Variants in ACVR1C observed in about 807,000 individuals in gnomAD.
ACVR1C encodes the protein activin receptor type-1C.
Under a neutral mutation model 57.9 loss-of-function variants are expected in ACVR1C, and 23 were observed. The observed-to-expected ratio is 0.40, with a 90% CI of 0.29 to 0.56. The LOEUF is 0.56. Among genes scored for constraint, ACVR1C ranks in the 20% least tolerant of loss-of-function variants. The pLI is 0.50. For missense variants in ACVR1C, 480 were observed against 607.9 expected (o/e 0.79, Z 2.21); for synonymous variants, 214 against 215.3 (o/e 0.99, Z 0.05).
At chr2:157,554,282 A>AGG (rs373870443) in intron 3 of ACVR1C, among the ~76,000 whole-genome samples, 71 of 123,842 alleles carry the variant, frequency 5.7e-4, no homozygotes, top group African/African-American at 9.0e-4. Flanking sequence ...GAAGGAAGGA[A>AGG]GAGAGAGAGA....
chr2:157,541,015 A>G, intron 7 of ACVR1C, 75 bp downstream of exon 7: 1 of 1,509,446 alleles, frequency 6.6e-7, no homozygotes, highest in African/African-American at 1.4e-5. Context: ...GCTTAGGGGA[A>G]AAAGATAGAA....
chr2:157,576,659 T>A (rs1688660892), intron 2 of ACVR1C, among the ~76,000 whole-genome samples: 1 of 152,178 alleles, frequency 6.6e-6, no homozygotes, highest in Non-Finnish European at 1.5e-5. Context: ...TGTTCATGAA[T>A]GAGAATGGCT....
At chr2:157,577,658 G>T (rs1034199730) in intron 2 of ACVR1C, among the ~76,000 whole-genome samples, 1 of 151,838 alleles carries the variant, frequency 6.6e-6, no homozygotes, top group Non-Finnish European at 1.5e-5. Context: ...CTTTATTTTA[G>T]ATACATATTT....
At chr2:157,574,686 C>T (rs916166397) in intron 2 of ACVR1C, among the ~76,000 whole-genome samples, 7 of 152,198 alleles carry the variant, frequency 4.6e-5, no homozygotes, top group African/African-American at 1.4e-4. Context: ...GCTGCTTTTA[C>T]GTTAATTAGA....
At chr2:157,593,231 TA>T (rs1202027864) in intron 1 of ACVR1C, among the ~76,000 whole-genome samples, 3 of 152,164 alleles carry the variant, frequency 2.0e-5, no homozygotes, top group African/African-American at 7.2e-5. Flanking sequence ...ACCATCTGAC[TA>T]CAAAAAAGAA....
intron 1 of ACVR1C, chr2:157,597,667 T>C: frequency 4.9e-6 from 3 of 614,904 alleles, no homozygotes; most frequent in Non-Finnish European, 6.1e-6. Flanking sequence ...CACTCCGGAT[T>C]AGCATTTCTC....
At chr2:157,584,345 C>T (rs2105253789) in intron 2 of ACVR1C, among the ~76,000 whole-genome samples, 1 of 152,196 alleles carries the variant, frequency 6.6e-6, no homozygotes, top group South Asian at 2.1e-4. Context: ...ACCTTGTGAT[C>T]CGCCCATCTT....
intron 1 of ACVR1C, among the ~76,000 whole-genome samples, chr2:157,601,804 G>A (rs1481933623): frequency 6.6e-6 from 1 of 152,128 alleles, no homozygotes; most frequent in East Asian, 1.9e-4. Context: ...ATCTGTCCAT[G>A]CACTGATGAA....
intron 3 of ACVR1C, among the ~76,000 whole-genome samples, chr2:157,554,244 A>AAAGG (rs1468605108): frequency 1.4e-4 from 19 of 136,242 alleles, no homozygotes; most frequent in Admixed American, 4.9e-4. Context: ...AGAAAGAAAG[A>AAAGG]AAGAAAGAAA....
chr2:157,614,754 A>T (rs1221838388), intron 1 of ACVR1C, among the ~76,000 whole-genome samples: 1 of 152,158 alleles, frequency 6.6e-6, no homozygotes, highest in Non-Finnish European at 1.5e-5. Flanking sequence ...TATCCCTTGC[A>T]GCATCTTATC....
At chr2:157,565,399 T>G (rs1326908305) in intron 2 of ACVR1C, among the ~76,000 whole-genome samples, 1 of 152,130 alleles carries the variant, frequency 6.6e-6, no homozygotes, top group Non-Finnish European at 1.5e-5. Context: ...CACTTCTTCG[T>G]AGTGACCATT....
At chr2:157,586,043 C>T (rs1194007702) in intron 2 of ACVR1C, among the ~76,000 whole-genome samples, 1 of 151,904 alleles carries the variant, frequency 6.6e-6, no homozygotes, top group African/African-American at 2.4e-5. Flanking sequence ...ATTATGATTC[C>T]TTCTCTTATT....
intron 7 of ACVR1C, among the ~76,000 whole-genome samples, chr2:157,538,941 TAA>T (rs1008345655): frequency 1.2e-4 from 18 of 149,296 alleles, no homozygotes; most frequent in Middle Eastern, 7.1e-3. Flanking sequence ...AAAATTTATA[TAA>T]GATTATATAA....
intron 2 of ACVR1C, among the ~76,000 whole-genome samples, chr2:157,560,796 A>G (rs926139812): frequency 1.2e-4 from 18 of 152,232 alleles, no homozygotes; most frequent in African/African-American, 4.1e-4. Flanking sequence ...AGAATAAAAT[A>G]TCTTTCCTCT....
At chr2:157,541,298 T>C (rs1687621376) in intron 6 of ACVR1C, 84 bp from the exon 7 acceptor site, 1 of 1,418,588 alleles carries the variant, frequency 7.0e-7, no homozygotes. Flanking sequence ...AGATAGCTTA[T>C]GCCATTTTAA....
rs529884512 is a variant in ACVR1C at position 157,526,983 on chromosome 2, A to G, written c.*6935T>C. 7 of 152,304 alleles carry G rather than the reference A, an allele frequency of 4.6e-5. No individual in the cohort carries two copies. Among genetic ancestry groups the G allele is most frequent in the African/African-American group, 1.4e-4 (6 of 41,584 alleles). The allele number at this position is 152,304 out of a possible 1,614,324, so 9.4% of individuals were successfully genotyped here. ...AAAAAGCTTTAAAATAAATACTTTT[A>G]TGACTTGCTGTTGGTAAAGTTAAAC... On this transcript the variant is annotated 3_prime_UTR_variant, in exon 9 of 9. Coordinates refer to ENST00000243349, the MANE Select transcript of ACVR1C (RefSeq NM_145259.3).
chr2:157,585,390 G>A (rs1372675299), intron 2 of ACVR1C, among the ~76,000 whole-genome samples: 2 of 152,088 alleles, frequency 1.3e-5, no homozygotes, highest in African/African-American at 4.8e-5. Flanking sequence ...AAGAAAGACT[G>A]GTTACTGATT....
intron 1 of ACVR1C, among the ~76,000 whole-genome samples, chr2:157,595,340 A>G (rs1348042012): frequency 6.6e-6 from 1 of 152,198 alleles, no homozygotes; most frequent in Non-Finnish European, 1.5e-5. Context: ...CAGTGTCTCC[A>G]AGGCTGAATC....
At chr2:157,565,469 C>A (rs765284920) in intron 2 of ACVR1C, among the ~76,000 whole-genome samples, 2 of 152,150 alleles carry the variant, frequency 1.3e-5, no homozygotes, top group Non-Finnish European at 2.9e-5. Context: ...CTCCAACATG[C>A]TCCATTTGCC....
Sources: gnomAD v4.1 joint callset for allele counts (sites outside exome capture counted in the v4.1 genomes callset) on GRCh38, gnomAD v4.1.1 for gene constraint, MANE v1.5 for transcripts, NCBI Gene and HGNC (gene_info 2026-07-23, HGNC 2026-07-21) for gene names.